Variants in GALK2 observed in about 807,000 individuals in gnomAD.
The protein encoded by GALK2 is galactokinase 2, also known as N-acetylgalactosamine kinase.
GALK2 carries 36 observed loss-of-function variants against 52.4 expected under a neutral mutation model. The observed-to-expected ratio is 0.69, with a 90% CI of 0.53 to 0.91. GALK2 has a LOEUF of 0.91. Among genes scored for constraint, GALK2 ranks in the 40% least tolerant of loss-of-function variants. GALK2 has a pLI of 0.00. For synonymous variants in GALK2, 176 were observed against 199.1 expected, an observed-to-expected ratio of 0.88 and a Z score of 0.98; for missense variants, 579 against 559.1, an observed-to-expected ratio of 1.04 and a Z score of -0.36.
chr15:49,200,525 A>G (rs1022212473), intron 1 of GALK2, among the ~76,000 whole-genome samples: 1 of 152,354 alleles, frequency 6.6e-6, no homozygotes, highest in African/African-American at 2.4e-5. Flanking sequence ...AGAAGGAAAA[A>G]CAGACAGAAT....
intron 1 of GALK2, chr15:49,193,884 C>G (rs1019717113): frequency 6.6e-6 from 1 of 152,000 alleles, no homozygotes; most frequent in African/African-American, 2.4e-5. Flanking sequence ...CGTGCCAACA[C>G]GCCCGGCTAA....
Position 49,234,973 on chromosome 15 carries a change from G to A in GALK2, c.267-878G>A, listed in dbSNP as rs530070971. On this transcript the variant is annotated intron_variant, in intron 3 of 9. Transcript: ENST00000560031. Reference sequence around the variant, plus strand: ...GTAGAGACAGGGTTTCACCATATTGGCCAGGCTTGTCTCGAACTCCTGAAC... The same window carrying A: ...GTAGAGACAGGGTTTCACCATATTGACCAGGCTTGTCTCGAACTCCTGAAC... Among the ~76,000 whole-genome samples, 29 of 152,114 alleles carry A rather than the reference G, an allele frequency of 1.9e-4. No homozygotes were observed. In the South Asian group the frequency reaches 2.1e-3, roughly 11 times the overall value.
intron 1 of GALK2, among the ~76,000 whole-genome samples, chr15:49,172,725 G>T (rs2085184323): frequency 6.6e-6 from 1 of 152,028 alleles, no homozygotes; most frequent in Non-Finnish European, 1.5e-5. Flanking sequence ...AGAAATTGAA[G>T]TTCTAATATT....
chr15:49,173,559 T>C (rs2085243418), intron 1 of GALK2, among the ~76,000 whole-genome samples: 1 of 152,188 alleles, frequency 6.6e-6, no homozygotes, highest in Non-Finnish European at 1.5e-5. Context: ...TTCTTAGAAG[T>C]TATTCATTTG....
intron 7 of GALK2, among the ~76,000 whole-genome samples, chr15:49,285,555 A>G (rs1276481854): frequency 1.3e-5 from 2 of 152,172 alleles, no homozygotes; most frequent in African/African-American, 2.4e-5. Flanking sequence ...AAACATCTTC[A>G]ACTAAGGCTT....
intron 8 of GALK2, chr15:49,318,084 A>G (rs1274780677): frequency 6.6e-6 from 1 of 151,908 alleles, no homozygotes; most frequent in Non-Finnish European, 1.5e-5. Flanking sequence ...AGACTTTTTG[A>G]TTTTCAGCCC....
At chr15:49,187,681 A>G (rs569443434) in intron 1 of GALK2, among the ~76,000 whole-genome samples, 5 of 152,244 alleles carry the variant, frequency 3.3e-5, no homozygotes, top group African/African-American at 1.2e-4. Flanking sequence ...TTTCTTAAGC[A>G]GAAGTATTTC....
intron 1 of GALK2, among the ~76,000 whole-genome samples, chr15:49,160,552 T>C (rs2084617367): frequency 6.6e-6 from 1 of 152,022 alleles, no homozygotes; most frequent in Non-Finnish European, 1.5e-5. Context: ...CGTTTACTAC[T>C]GTTGACCCAT....
At chr15:49,241,859 G>T (rs1348531354) in intron 5 of GALK2, among the ~76,000 whole-genome samples, 1 of 143,274 alleles carries the variant, frequency 7.0e-6, no homozygotes, top group Non-Finnish European at 1.5e-5. Flanking sequence ...CTGATTGTCT[G>T]TTTTCAAAGT....
At chr15:49,235,582 GT>G (rs781442631) in intron 3 of GALK2, 2 of 579,962 alleles carry the variant, frequency 3.4e-6, no homozygotes. Flanking sequence ...AGAGAAAATA[GT>G]TGTAGATTAC....
chr15:49,240,748 A>T (rs1244416901), intron 5 of GALK2, among the ~76,000 whole-genome samples: 1 of 152,222 alleles, frequency 6.6e-6, no homozygotes, highest in East Asian at 1.9e-4. Flanking sequence ...GCATACAGCA[A>T]TTTGGATAAC....
chr15:49,279,846 A>G (rs2032437427), intron 5 of GALK2, among the ~76,000 whole-genome samples: 1 of 152,230 alleles, frequency 6.6e-6, no homozygotes, highest in African/African-American at 2.4e-5. Flanking sequence ...ATTTATTTTT[A>G]ATGTACATAT....
chr15:49,328,239 T>A lies in GALK2; in HGVS notation c.*80T>A, dbSNP rs1239243591. On this transcript the variant is annotated 3_prime_UTR_variant, in exon 10 of 10. Coordinates refer to ENST00000560031, the MANE Select transcript of GALK2 (RefSeq NM_002044.4). ...CTTTCTGTGCCACAGTAAATTAATC[T>A]TCCTTCTGTTTTGTATTATGATGAA... 4 of 1,500,354 alleles carry A rather than the reference T, an allele frequency of 2.7e-6. No individual in the cohort carries two copies. The African/African-American group carries it at 4.2e-5, about 16-fold the overall frequency. The allele number at this position is 1,500,354 out of a possible 1,614,324, so 92.9% of individuals were successfully genotyped here.
chr15:49,211,899 G>T (rs899953189), intron 2 of GALK2, among the ~76,000 whole-genome samples: 1 of 152,128 alleles, frequency 6.6e-6, no homozygotes, highest in African/African-American at 2.4e-5. Context: ...TTCACCATGA[G>T]ATTTGGGTGG....
At chr15:49,210,973 TCACACACACACACA>T (rs3075099) in intron 2 of GALK2, among the ~76,000 whole-genome samples, 3 of 146,540 alleles carry the variant, frequency 2.0e-5, no homozygotes, top group African/African-American at 7.6e-5. Context: ...ACACACACAC[TCACACACACACACA>T]CACACACACA....
At chr15:49,227,946 A>G (rs564860043) in intron 3 of GALK2, among the ~76,000 whole-genome samples, 1 of 152,044 alleles carries the variant, frequency 6.6e-6, no homozygotes, top group East Asian at 1.9e-4. Context: ...TTTTTCTAGG[A>G]AAGACTTCAG....
At chr15:49,249,131 T>G (rs1351544916) in intron 5 of GALK2, among the ~76,000 whole-genome samples, 1 of 152,230 alleles carries the variant, frequency 6.6e-6, no homozygotes, top group Non-Finnish European at 1.5e-5. Flanking sequence ...CTTTACCTAC[T>G]ACATCAGTTG....
intron 3 of GALK2, among the ~76,000 whole-genome samples, chr15:49,356,045 G>A (rs1203196223): frequency 6.6e-6 from 1 of 151,526 alleles, no homozygotes; most frequent in African/African-American, 2.4e-5. Flanking sequence ...AATGCTGAGA[G>A]ATTTTCTCAC....
At chr15:49,322,350 G>T (rs944255434) in intron 9 of GALK2, among the ~76,000 whole-genome samples, 1 of 152,144 alleles carries the variant, frequency 6.6e-6, no homozygotes, top group African/African-American at 2.4e-5. Flanking sequence ...ACCATATAGG[G>T]TCCAAGTTTT....
Sources: gnomAD v4.1 joint callset for allele counts (sites outside exome capture counted in the v4.1 genomes callset) on GRCh38, gnomAD v4.1.1 for gene constraint, MANE v1.5 for transcripts, NCBI Gene and HGNC (gene_info 2026-07-23, HGNC 2026-07-21) for gene names.